The following TENM2 variants were observed in gnomAD, a reference collection of about 807,000 sequenced individuals.
TENM2 encodes the protein teneurin transmembrane protein 2, also known as teneurin-2.
TENM2 carries 52 observed loss-of-function variants against 245.2 expected under a neutral mutation model. The ratio of observed to expected loss-of-function variants is 0.21; its 90% CI spans 0.17 to 0.27. The LOEUF is 0.27. TENM2 is among the 10% of genes least tolerant of loss of function. The pLI is 1.00. For missense variants in TENM2, 3,046 were observed against 3,666.8 expected, an observed-to-expected ratio of 0.83 and a Z score of 4.37; for synonymous variants, 1,363 against 1,438.9, an observed-to-expected ratio of 0.95 and a Z score of 1.19.
At chr5:167,458,095 A>G (rs1469774804) in intron 2 of TENM2, among the ~76,000 whole-genome samples, 1 of 152,174 alleles carries the variant, frequency 6.6e-6, no homozygotes, top group Non-Finnish European at 1.5e-5. Flanking sequence ...ATGGTTCTTT[A>G]CATTCCCAAA....
chr5:167,100,197 T>C, the TENM2 span, among the ~76,000 whole-genome samples: 15 of 152,194 alleles, frequency 9.9e-5, no homozygotes, highest in African/African-American at 3.6e-4. Context: ...GCTTTAATTA[T>C]AGCTATTATA....
chr5:167,517,591 C>A (rs566790373), intron 2 of TENM2, among the ~76,000 whole-genome samples: 2 of 149,204 alleles, frequency 1.3e-5, no homozygotes, highest in Non-Finnish European at 1.5e-5. Context: ...CATCAGTGAG[C>A]GGATTAAGGG....
At chr5:167,422,298 C>G (rs1763557807) in intron 2 of TENM2, among the ~76,000 whole-genome samples, 1 of 152,148 alleles carries the variant, frequency 6.6e-6, no homozygotes, top group African/African-American at 2.4e-5. Flanking sequence ...CAAAATACTT[C>G]AGAAATCCAC....
chr5:167,076,792 C>G, the TENM2 span, among the ~76,000 whole-genome samples: 1 of 152,148 alleles, frequency 6.6e-6, no homozygotes, highest in East Asian at 1.9e-4. Flanking sequence ...TAGAAACACC[C>G]TTTAATACTC....
chr5:168,178,622 G>C (rs2152485511), intron 13 of TENM2, among the ~76,000 whole-genome samples: 1 of 152,320 alleles, frequency 6.6e-6, no homozygotes, highest in Non-Finnish European at 1.5e-5. Context: ...AGAGTCAGCA[G>C]GGGCGGGACA....
At position 167,891,010 on chromosome 5, in the gene TENM2, A is replaced by T. The variant is rs1429525712; in HGVS notation, c.712+14815A>T. ...AAAATTTCAAGTGACTTACTGGTGG[A>T]CCATATTTAGTCTAATGATCTCAAA... On this transcript the variant is annotated intron_variant, in intron 3 of 28. Transcript: ENST00000518659. Among the ~76,000 whole-genome samples, 18 of 152,180 alleles carry T rather than the reference A, an allele frequency of 1.2e-4. 1 individual carries two copies. Among genetic ancestry groups the T allele is most frequent in the Admixed American group, 1.2e-3 (18 of 15,280 alleles).
chr5:167,230,635 A>G, the TENM2 span, among the ~76,000 whole-genome samples: 1 of 152,102 alleles, frequency 6.6e-6, no homozygotes, highest in Non-Finnish European at 1.5e-5. Context: ...TTATCCCCCC[A>G]AATTTTGGTA....
chr5:168,207,446 T>G (rs1762445991), intron 19 of TENM2, among the ~76,000 whole-genome samples: 1 of 152,172 alleles, frequency 6.6e-6, no homozygotes, highest in African/African-American at 2.4e-5. Flanking sequence ...TGGCTCCCAG[T>G]TTCCCTCGAC....
At chr5:167,681,071 A>T (rs1756673579) in intron 2 of TENM2, among the ~76,000 whole-genome samples, 1 of 152,202 alleles carries the variant, frequency 6.6e-6, no homozygotes, top group Admixed American at 6.5e-5. Flanking sequence ...TAAAACAATT[A>T]CGAAGTCAAC....
chr5:168,002,933 G>C (rs1784518455), intron 5 of TENM2, among the ~76,000 whole-genome samples: 1 of 152,098 alleles, frequency 6.6e-6, no homozygotes, highest in Non-Finnish European at 1.5e-5. Flanking sequence ...CCTGGATCCA[G>C]ATCCCAAAAA....
chr5:167,748,215 A>G (rs1020666975), intron 2 of TENM2, among the ~76,000 whole-genome samples: 6 of 152,148 alleles, frequency 3.9e-5, no homozygotes, highest in African/African-American at 9.7e-5. Flanking sequence ...AGCATATACA[A>G]TTGCTTCCAC....
At chr5:167,587,920 A>G (rs1320641219) in intron 2 of TENM2, among the ~76,000 whole-genome samples, 1 of 152,074 alleles carries the variant, frequency 6.6e-6, no homozygotes, top group East Asian at 1.9e-4. Flanking sequence ...GTGGTTTGCA[A>G]AGGTCTGCTT....
intron 12 of TENM2, among the ~76,000 whole-genome samples, chr5:168,141,934 G>A (rs1199523202): frequency 6.6e-6 from 1 of 152,148 alleles, no homozygotes; most frequent in East Asian, 1.9e-4. Context: ...AGCGATTGGA[G>A]CGCTATACTG....
rs150455870 is a variant in TENM2 at position 167,741,910 on chromosome 5, G to A, written c.503-134076G>A. ...CCTGTGGACAAACAGGGCCCTGGTT[G>A]TCATGGAATTTGAAGCCACCCTTTT... On this transcript the variant is annotated intron_variant, in intron 2 of 28. Transcript: ENST00000518659. 7.2e-5 allele frequency among the ~76,000 whole-genome samples: 11 copies of A among 152,226 alleles called. No homozygotes were observed. The East Asian group carries it at 1.9e-3, about 27-fold the overall frequency.
chr5:167,655,790 T>C (rs1754803750), intron 2 of TENM2, among the ~76,000 whole-genome samples: 1 of 152,180 alleles, frequency 6.6e-6, no homozygotes, highest in Non-Finnish European at 1.5e-5. Flanking sequence ...TGAGTTTTGT[T>C]GAAACGTTTT....
chr5:168,055,198 A>G (rs1222210606), intron 6 of TENM2, among the ~76,000 whole-genome samples: 1 of 152,234 alleles, frequency 6.6e-6, no homozygotes. Context: ...GGCTGCCTAG[A>G]TAAGAGATAA....
intron 2 of TENM2, among the ~76,000 whole-genome samples, chr5:167,746,434 C>T (rs1761565243): frequency 1.3e-5 from 2 of 151,496 alleles, no homozygotes; most frequent in South Asian, 4.2e-4. Context: ...TGCCTAGAAC[C>T]AAGTTGGGTA....
intron 2 of TENM2, among the ~76,000 whole-genome samples, chr5:167,687,485 AT>A (rs1757151600): frequency 6.6e-6 from 1 of 152,122 alleles, no homozygotes; most frequent in African/African-American, 2.4e-5. Flanking sequence ...AAAACTATTT[AT>A]GTGGGAAAAA....
chr5:168,028,863 G>A (rs1786856883), intron 5 of TENM2, among the ~76,000 whole-genome samples: 1 of 151,514 alleles, frequency 6.6e-6, no homozygotes, highest in South Asian at 2.1e-4. Context: ...CTTAACTAGG[G>A]TCCCTAAAAG....
Sources: allele counts gnomAD v4.1 joint callset (sites outside exome capture counted in the v4.1 genomes callset), GRCh38; gene constraint gnomAD v4.1.1; transcripts MANE v1.5; gene names NCBI Gene and HGNC (gene_info 2026-07-23, HGNC 2026-07-21).